The following ZNF709 variants were observed in gnomAD, a reference collection of about 807,000 sequenced individuals.
ZNF709 encodes zinc finger protein 709.
ZNF709 carries 15 observed loss-of-function variants against 10.6 expected under a neutral mutation model. The observed-to-expected ratio is 1.41, with a 90% CI of 0.95 to 2.18. The LOEUF (loss-of-function observed/expected upper bound fraction) is 2.18, where lower values mean the gene tolerates loss of function less well. ZNF709 is among the 30% of genes most tolerant of loss of function. The probability of loss-of-function intolerance (pLI) is 0.00; values close to 1 mark genes in which losing one functional copy is unlikely to be tolerated. For missense variants in ZNF709, 589 were observed against 774.0 expected, an observed-to-expected ratio of 0.76 and a Z score of 2.84; for synonymous variants, 194 against 238.8, an observed-to-expected ratio of 0.81 and a Z score of 1.73.
chr19:12,475,896 A>G (rs755938698), intron 1 of ZNF709, among the ~76,000 whole-genome samples: 6 of 152,226 alleles, frequency 3.9e-5, no homozygotes, highest in Non-Finnish European at 8.8e-5. Context: ...ACAGACTCAC[A>G]TTAGTATAGT....
chr19:12,469,506 C>T (rs764602025), intron 1 of ZNF709, among the ~76,000 whole-genome samples: 8 of 152,194 alleles, frequency 5.3e-5, no homozygotes, highest in Admixed American at 3.3e-4. Context: ...CGGTTGCTCA[C>T]GCCTATAATC....
rs146065958 is a variant in ZNF709 at position 12,483,942 on chromosome 19, G to C, written c.3+713C>G. 1.2e-3 allele frequency among the ~76,000 whole-genome samples: 186 copies of C among 152,246 alleles called. 1 individual carries two copies. Among genetic ancestry groups the C allele is most frequent in the African/African-American group, 4.3e-3 (180 of 41,532 alleles). On this transcript the variant is annotated intron_variant, in intron 1 of 3. Coordinates refer to ENST00000397732, the MANE Select transcript of ZNF709 (RefSeq NM_152601.4). The stretch of plus-strand genomic sequence containing the variant: ...ATGTCAGGTCCCAGGAGAGATACTG[G>C]CAAGAGAGGCACAAGCATTTTACAC...
At chr19:12,480,661 C>T (rs1179353740) in intron 1 of ZNF709, among the ~76,000 whole-genome samples, 12 of 145,298 alleles carry the variant, frequency 8.3e-5, no homozygotes, top group Non-Finnish European at 1.6e-4. Flanking sequence ...CTAGCCTGGG[C>T]GACAGAGCAA....
intron 1 of ZNF709, among the ~76,000 whole-genome samples, chr19:12,482,053 C>T (rs192235914): frequency 3.3e-5 from 5 of 151,808 alleles, no homozygotes; most frequent in African/African-American, 9.7e-5. Flanking sequence ...AATCCCAGCA[C>T]TTTGAGAGGC....
At chr19:12,467,604 C>G (rs1970586812) in intron 1 of ZNF709, among the ~76,000 whole-genome samples, 2 of 151,838 alleles carry the variant, frequency 1.3e-5, no homozygotes, top group South Asian at 4.2e-4. Flanking sequence ...GGCCGCCCAT[C>G]GTCTGGGATG....
chr19:12,465,547 A>G lies in ZNF709; in HGVS notation c.375T>C (p.Thr125=), dbSNP rs1322719186. 6.2e-7 allele frequency: 1 copy of G among 1,613,606 alleles called. No homozygotes were observed. Among genetic ancestry groups the G allele is most frequent in the African/African-American group, 1.3e-5 (1 of 74,926 alleles). The stretch of plus-strand genomic sequence containing the variant: ...TGTGATATTCATATGATCTATGTTC[A>G]GTATGAGATCTCATGTGCCTATTAA... ...SSLNRHMRSH[T]EHRSYEYHKY... is the part of the protein sequence containing the mutation. Residue 125 remains threonine (T), a synonymous_variant, in exon 4 of 4, where the codon ACT becomes ACC. Coordinates refer to ENST00000397732, the MANE Select transcript of ZNF709 (RefSeq NM_152601.4).
intron 3 of ZNF709, 82 bp downstream of exon 3, chr19:12,466,379 GT>G (rs1970570745): frequency 7.4e-7 from 1 of 1,344,088 alleles, no homozygotes. Flanking sequence ...GGGCTTATTT[GT>G]TTCAATTATT....
chr19:12,463,947 A>AAT lies in ZNF709; in HGVS notation c.*48_*49insAT. 8.2e-7 allele frequency: 1 copy of AAT among 1,216,144 alleles called. No homozygotes were observed. The highest frequency in any genetic ancestry group is 1.1e-6 in the Non-Finnish European group (1 of 919,288). The allele number at this position is 1,216,144 out of a possible 1,614,324, so 75.3% of individuals were successfully genotyped here. On this transcript the variant is annotated 3_prime_UTR_variant, in exon 4 of 4. Coordinates refer to ENST00000397732, the MANE Select transcript of ZNF709 (RefSeq NM_152601.4). ...AACTCAAAAAAAAAAAAAAAAAAAA[A>AAT]GGAAATAGGACAACTGAAAACTTTG...
chr19:12,464,655 T>A lies in ZNF709; in HGVS notation c.1267A>T (p.Lys423Ter), dbSNP rs1293953688. The change falls in exon 4 of 4, where the codon AAA becomes TAA. Residue 423 changes from lysine (K) to a stop codon, truncating the protein, a stop_gained. Coordinates refer to ENST00000397732, the MANE Select transcript of ZNF709 (RefSeq NM_152601.4). LOFTEE classifies it low-confidence loss of function (END_TRUNC). ...THTGEKPHEC[K>*]QCGKAFSCSS... ...CAACTGAAGGCTTTACCACATTGTT[T>A]ACATTCATGGGGTTTCTCTCCAGTG... The A allele has an allele frequency of 1.2e-6, 2 of 1,612,528 alleles. No homozygotes were observed. Among genetic ancestry groups the A allele is most frequent in the African/African-American group, 2.7e-5 (2 of 75,004 alleles).
At chr19:12,474,198 C>T (rs1490223612) in intron 1 of ZNF709, among the ~76,000 whole-genome samples, 23 of 152,180 alleles carry the variant, frequency 1.5e-4, no homozygotes, top group Admixed American at 1.5e-3. Flanking sequence ...TTCATCTCCC[C>T]ATTTCCCCCT....
At chr19:12,467,535 G>C (rs1019501677) in intron 1 of ZNF709, among the ~76,000 whole-genome samples, 5 of 152,232 alleles carry the variant, frequency 3.3e-5, no homozygotes, top group African/African-American at 1.2e-4. Flanking sequence ...CCAAAGTGCC[G>C]AGACTGCAGC....
At chr19:12,478,107 T>C (rs1483600862) in intron 1 of ZNF709, among the ~76,000 whole-genome samples, 1 of 152,220 alleles carries the variant, frequency 6.6e-6, no homozygotes, top group Non-Finnish European at 1.5e-5. Flanking sequence ...TTGGGAGCCC[T>C]GTGCTATTAG....
chr19:12,482,501 T>C (rs1314540020), intron 1 of ZNF709, among the ~76,000 whole-genome samples: 1 of 152,100 alleles, frequency 6.6e-6, no homozygotes, highest in African/African-American at 2.4e-5. Context: ...AGATTAAGGT[T>C]CTGACCCAAA....
intron 1 of ZNF709, among the ~76,000 whole-genome samples, chr19:12,475,257 T>TAAAAAA (rs71166684): frequency 0.044 from 1,970 of 44,580 alleles, 162 homozygotes; most frequent in Non-Finnish European, 0.064. Flanking sequence ...GATTCCGTCT[T>TAAAAAA]AAAAAAAAAA....
Position 12,464,490 on chromosome 19 carries a change from A to T in ZNF709, c.1432T>A (p.Cys478Ser). The T allele has an allele frequency of 6.2e-7, 1 of 1,613,134 alleles. No individual in the cohort carries two copies. Among genetic ancestry groups the T allele is most frequent in the African/African-American group, 1.3e-5 (1 of 74,966 alleles). Residue 478 changes from cysteine to serine, a missense_variant, in exon 4 of 4, where the codon TGT becomes AGT. Cys to Ser is a moderately radical substitution (Grantham distance 112). Around this residue, in one of 2 missense-constraint regions of ZNF709, gnomAD observed 171 missense variants for 277.7 expected, o/e 0.62. Transcript: ENST00000397732. ...RIHTGEKPYECKQCGKAFSFS... is the reference protein window; with the variant it reads ...RIHTGEKPYESKQCGKAFSFS... ...CTAAAGGCTTTACCACACTGTTTAC[A>T]TTCATAGGGTTTCTCTCCAGTGTGA...
chr19:12,481,468 G>A (rs1197856336), intron 1 of ZNF709, among the ~76,000 whole-genome samples: 1 of 152,038 alleles, frequency 6.6e-6, no homozygotes, highest in Non-Finnish European at 1.5e-5. Flanking sequence ...TCGAACTTCT[G>A]ACCTCAAGTG....
Position 12,471,376 on chromosome 19 carries a change from A to T in ZNF709, c.4-4526T>A, listed in dbSNP as rs117382254. ...CAAGATGCCACTGCTCCCAAATGATATCTTTATAAAATTCTACAAATCCCT... is the reference window on the plus strand; with the variant it reads ...CAAGATGCCACTGCTCCCAAATGATTTCTTTATAAAATTCTACAAATCCCT... On this transcript the variant is annotated intron_variant, in intron 1 of 3. Transcript: ENST00000397732. Among the ~76,000 whole-genome samples the T allele has an allele frequency of 9.1e-3, 1,388 of 152,322 alleles. 18 individuals are homozygous for T. Among genetic ancestry groups the T allele is most frequent in the East Asian group, 0.051 (267 of 5,190 alleles).
At chr19:12,475,611 G>A (rs1970670166) in intron 1 of ZNF709, among the ~76,000 whole-genome samples, 1 of 152,116 alleles carries the variant, frequency 6.6e-6, no homozygotes, top group Non-Finnish European at 1.5e-5. Flanking sequence ...ATATTTAATA[G>A]TGAGAAAATA....
Position 12,464,441 on chromosome 19 carries a change from T to C in ZNF709, c.1481A>G (p.His494Arg). 4 of 1,612,706 alleles carry C rather than the reference T, an allele frequency of 2.5e-6. No homozygotes were observed. The highest frequency in any genetic ancestry group is 2.5e-6 in the Non-Finnish European group (3 of 1,179,330). The change falls in exon 4 of 4, where the codon CAT becomes CGT. Residue 494 changes from histidine to arginine, a missense_variant. Around this residue, in one of 2 missense-constraint regions of ZNF709, gnomAD observed 171 missense variants for 277.7 expected, o/e 0.62. Coordinates refer to ENST00000397732, the MANE Select transcript of ZNF709 (RefSeq NM_152601.4). ...TTTCTCTCCAGTGTGAGTCCTTTCA[T>C]GCATCCGAAAGGAACTAGAAAAACT... ...AFSFSSSFRM[H>R]ERTHTGEKPY...
Sources: gnomAD v4.1 joint callset for allele counts (sites outside exome capture counted in the v4.1 genomes callset) on GRCh38, gnomAD v4.1.1 for gene constraint, gnomAD v4.1.1 regional missense constraint, MANE v1.5 for transcripts, NCBI Gene and HGNC (gene_info 2026-07-23, HGNC 2026-07-21) for gene names.